The following EVC variants were observed in gnomAD, a reference collection of about 807,000 sequenced individuals.
EVC encodes the protein evC complex member EVC.
A neutral mutation model predicts 118.9 loss-of-function variants in EVC; 116 were observed. The observed-to-expected ratio is 0.98, with a 90% CI of 0.84 to 1.14. EVC has a LOEUF of 1.14. Ranked by LOEUF, EVC falls within the 50% of genes most tolerant of loss-of-function variation. The probability of loss-of-function intolerance (pLI) is 0.00; values close to 1 mark genes in which losing one functional copy is unlikely to be tolerated. For synonymous variants in EVC, 619 were observed against 534.7 expected, an observed-to-expected ratio of 1.16 and a Z score of -2.18; for missense variants, 1,401 against 1,246.4, an observed-to-expected ratio of 1.12 and a Z score of -1.87.
downstream of EVC, among the ~76,000 whole-genome samples, chr4:5,815,933 A>G (rs1490272009): frequency 6.6e-6 from 1 of 151,552 alleles, no homozygotes; most frequent in Admixed American, 6.6e-5. Flanking sequence ...GAAGGGAGGG[A>G]GGAACGCTGA....
chr4:5,784,578 C>T (rs945773958), intron 12 of EVC, among the ~76,000 whole-genome samples: 1 of 149,958 alleles, frequency 6.7e-6, no homozygotes, highest in Admixed American at 6.7e-5. Flanking sequence ...GGAACAGCAG[C>T]AATAGGAAAC....
At position 5,776,372 on chromosome 4, in the gene EVC, C is replaced by T. The variant is rs188818839; in HGVS notation, c.1564-7180C>T. Among the ~76,000 whole-genome samples, 362 of 152,128 alleles carry T rather than the reference C, an allele frequency of 2.4e-3. 2 individuals are homozygous for T. Among genetic ancestry groups the T allele is most frequent in the African/African-American group, 7.6e-3 (317 of 41,486 alleles). On this transcript the variant is annotated intron_variant, in intron 11 of 20. Transcript: ENST00000264956. ...GACCCTGTGTTTACTAGGTGCTGGC[C>T]GTTCATTTATTCATTCATTCACTCA...
intron 1 of EVC, among the ~76,000 whole-genome samples, chr4:5,713,243 A>T (rs892321529): frequency 1.3e-5 from 2 of 152,302 alleles, no homozygotes. Flanking sequence ...TTACAGTTTG[A>T]TGTGATCCTT....
At chr4:5,792,931 G>T (rs993278052) in intron 12 of EVC, among the ~76,000 whole-genome samples, 4 of 152,166 alleles carry the variant, frequency 2.6e-5, no homozygotes, top group African/African-American at 9.7e-5. Flanking sequence ...ATGTTTTGGG[G>T]TGGAAAACTC....
chr4:5,768,506 A>G (rs1247256693), intron 11 of EVC, among the ~76,000 whole-genome samples: 1 of 152,124 alleles, frequency 6.6e-6, no homozygotes, highest in Non-Finnish European at 1.5e-5. Flanking sequence ...CAAGAGGTTT[A>G]AATAATCTCA....
At chr4:5,753,375 G>A (rs934514820) in intron 9 of EVC, among the ~76,000 whole-genome samples, 1 of 152,226 alleles carries the variant, frequency 6.6e-6, no homozygotes, top group African/African-American at 2.4e-5. Flanking sequence ...AGGGTGAAGG[G>A]TCTCACTAGA....
At chr4:5,808,136 T>TTCCCCCCCC in intron 17 of EVC, 65 bp from the exon 18 acceptor site, 1 of 306,556 alleles carries the variant, frequency 3.3e-6, no homozygotes, top group Non-Finnish European at 6.8e-6. Context: ...TCCTTCTCCC[T>TTCCCCCCCC]CCCTCCCTCC....
intron 11 of EVC, among the ~76,000 whole-genome samples, chr4:5,778,303 G>A (rs1735036064): frequency 6.6e-6 from 1 of 152,012 alleles, no homozygotes. Flanking sequence ...AAACATACGT[G>A]TGCATATGTC....
intron 5 of EVC, among the ~76,000 whole-genome samples, chr4:5,734,815 TCCCCAG>T (rs1273812091): frequency 6.6e-6 from 1 of 152,108 alleles, no homozygotes; most frequent in African/African-American, 2.4e-5. Context: ...ACCCCCTCTA[TCCCCAG>T]CCCCATGGAG....
chr4:5,736,461 C>T (rs372430687), intron 5 of EVC, among the ~76,000 whole-genome samples: 1 of 151,800 alleles, frequency 6.6e-6, no homozygotes, highest in African/African-American at 2.4e-5. Context: ...TGCCTGCACA[C>T]CTGGCGTTAT....
At chr4:5,815,810 A>G (rs1313368952), downstream of EVC, among the ~76,000 whole-genome samples, 4 of 152,174 alleles carry the variant, frequency 2.6e-5, no homozygotes, top group Non-Finnish European at 4.4e-5. Flanking sequence ...AATGTACACC[A>G]TTGACCGGCC....
In EVC at chr4:5,756,430, C is replaced by A; in HGVS notation, c.1563+68C>A. 5 of 1,394,364 alleles carry A rather than the reference C, an allele frequency of 3.6e-6. No homozygotes were observed. Among genetic ancestry groups the A allele is most frequent in the Non-Finnish European group, 5.0e-6 (5 of 1,003,536 alleles). The allele number at this position is 1,394,364 out of a possible 1,614,324, so 86.4% of individuals were successfully genotyped here. ...TGTGTGTGTGCGAGAACCTCACATCCTCCTGGCTGGGGACCCCAGAGGTGG... is the reference window on the plus strand; with the variant it reads ...TGTGTGTGTGCGAGAACCTCACATCATCCTGGCTGGGGACCCCAGAGGTGG... On this transcript the variant is annotated intron_variant, in intron 11 of 20. Coordinates refer to ENST00000264956, the MANE Select transcript of EVC (RefSeq NM_153717.3). The surrounding 1 kb of genome is among the most constrained non-coding windows in gnomAD (Gnocchi z 4.2).
At chr4:5,778,649 T>A (rs1262549333) in intron 11 of EVC, among the ~76,000 whole-genome samples, 1 of 152,184 alleles carries the variant, frequency 6.6e-6, no homozygotes, top group Non-Finnish European at 1.5e-5. Context: ...TTTTGAGAAG[T>A]GTCTGTTCAT....
chr4:5,805,838 T>C (rs1364374193), intron 17 of EVC, among the ~76,000 whole-genome samples: 2 of 151,778 alleles, frequency 1.3e-5, no homozygotes, highest in African/African-American at 4.8e-5. Context: ...ATGTGGCTGT[T>C]GATGCCCTTC....
chr4:5,722,946 C>T (rs896571074), intron 2 of EVC, among the ~76,000 whole-genome samples: 5 of 152,184 alleles, frequency 3.3e-5, no homozygotes, highest in African/African-American at 1.2e-4. Context: ...GGCTCCTGTT[C>T]AGGTAGCAGA....
chr4:5,722,671 G>C (rs1725154426), intron 2 of EVC, among the ~76,000 whole-genome samples: 1 of 152,192 alleles, frequency 6.6e-6, no homozygotes, highest in Non-Finnish European at 1.5e-5. Flanking sequence ...TGGAGGGAGG[G>C]AGAGTGGGTG....
chr4:5,804,933 G>A (rs746124801), intron 17 of EVC, 92 bp downstream of exon 17: 247 of 1,145,780 alleles, frequency 2.2e-4, no homozygotes, highest in Non-Finnish European at 2.9e-4. Flanking sequence ...GTGCCGTCGC[G>A]TGCATTGCCC....
Position 5,765,729 on chromosome 4 carries a change from T to A in EVC, c.1563+9367T>A, listed in dbSNP as rs1452637928. The stretch of plus-strand genomic sequence containing the variant: ...TATCAGAGACTAGGATTGCAACCCC[T>A]GCCTTTTTTTGTTTTCCATTTGCTT... On this transcript the variant is annotated intron_variant, in intron 11 of 20. Transcript: ENST00000264956. 1.0e-4 allele frequency among the ~76,000 whole-genome samples: 14 copies of A among 134,764 alleles called. No individual in the cohort carries two copies. The East Asian group carries it at 3.4e-3, about 33-fold the overall frequency. 88.4% of individuals were successfully genotyped at this position (134,764 alleles called of 152,430 possible). A position where few individuals can be genotyped will look rare whatever the true frequency, so the allele number is the denominator to read the frequency against.
intron 14 of EVC, 157 bp downstream of exon 14, chr4:5,797,389 GACCGGGCAGCTTAC>G: frequency 2.9e-6 from 2 of 687,018 alleles, no homozygotes; most frequent in Non-Finnish European, 5.2e-6. Flanking sequence ...AGGTCCCACA[GACCGGGCAGCTTAC>G]ACTGCACACA....
Sources: gnomAD v4.1 joint callset for allele counts (sites outside exome capture counted in the v4.1 genomes callset) on GRCh38, gnomAD v4.1.1 for gene constraint, Gnocchi (gnomAD v3.1) non-coding constraint, MANE v1.5 for transcripts, NCBI Gene and HGNC (gene_info 2026-07-23, HGNC 2026-07-21) for gene names.